Variants in RANBP2 observed in about 807,000 individuals in gnomAD.
RANBP2 encodes RAN binding protein 2, also known as E3 SUMO-protein ligase RanBP2.
A neutral mutation model predicts 303.6 loss-of-function variants in RANBP2; 57 were observed. The ratio of observed to expected loss-of-function variants is 0.19; its 90% CI spans 0.15 to 0.23. The LOEUF (loss-of-function observed/expected upper bound fraction) is 0.23. RANBP2 is among the 10% of genes least tolerant of loss of function. The pLI, the probability that RANBP2 is intolerant of heterozygous loss-of-function variation, is 1.00. For synonymous variants in RANBP2, 1,167 were observed against 1,301.5 expected, an observed-to-expected ratio of 0.90 and a Z score of 2.23; for missense variants, 3,138 against 3,780.8, an observed-to-expected ratio of 0.83 and a Z score of 4.46.
chr2:109,680,396 A>T, the RANBP2 span, among the ~76,000 whole-genome samples: 2,320 of 151,650 alleles, frequency 0.015, 54 homozygotes, highest in African/African-American at 0.049. Flanking sequence ...AAAAAAATTT[A>T]AAAAAAGATA....
At chr2:109,665,923 C>T in the RANBP2 span, among the ~76,000 whole-genome samples, 1 of 151,798 alleles carries the variant, frequency 6.6e-6, no homozygotes, top group Non-Finnish European at 1.5e-5. Context: ...ACCAGCCTGG[C>T]CAACATGGAG....
the RANBP2 span, among the ~76,000 whole-genome samples, chr2:109,166,991 T>C: frequency 6.6e-6 from 1 of 152,212 alleles, no homozygotes; most frequent in Admixed American, 6.5e-5. Context: ...TCCAGCAAGC[T>C]AAGTAGCTTG....
chr2:109,301,472 A>G, the RANBP2 span, among the ~76,000 whole-genome samples: 1 of 152,040 alleles, frequency 6.6e-6, no homozygotes, highest in East Asian at 1.9e-4. Context: ...GTTTGATGGC[A>G]GGTGTCTGAG....
At chr2:109,053,179 G>C in the RANBP2 span, among the ~76,000 whole-genome samples, 3 of 152,196 alleles carry the variant, frequency 2.0e-5, no homozygotes, top group African/African-American at 2.4e-5. Context: ...TCATCTGTCT[G>C]CACAAATCCC....
the RANBP2 span, among the ~76,000 whole-genome samples, chr2:109,433,492 G>T: frequency 6.6e-6 from 1 of 152,238 alleles, no homozygotes; most frequent in African/African-American, 2.4e-5. Flanking sequence ...ACTCACAGAA[G>T]CCCCTCGTGG....
At chr2:109,039,109 T>C in the RANBP2 span, among the ~76,000 whole-genome samples, 1 of 152,172 alleles carries the variant, frequency 6.6e-6, no homozygotes, top group Non-Finnish European at 1.5e-5. Context: ...ATCCAATCAA[T>C]GGAAGACTTT....
At chr2:108,932,200 T>C in the RANBP2 span, among the ~76,000 whole-genome samples, 1 of 151,974 alleles carries the variant, frequency 6.6e-6, no homozygotes, top group African/African-American at 2.4e-5. Context: ...CTAAAGGCAT[T>C]AGGTAGAAAT....
chr2:108,932,882 T>TA, the RANBP2 span, among the ~76,000 whole-genome samples: 1 of 152,216 alleles, frequency 6.6e-6, no homozygotes, highest in African/African-American at 2.4e-5. Context: ...ACTAATCAGT[T>TA]AACTGGCTGC....
chr2:108,749,788 C>G (rs1015045362), intron 9 of RANBP2, among the ~76,000 whole-genome samples: 10 of 152,076 alleles, frequency 6.6e-5, no homozygotes, highest in Non-Finnish European at 1.5e-4. Flanking sequence ...GAGACAGGGT[C>G]TCCCTTTGTT....
chr2:109,083,974 G>A, the RANBP2 span, among the ~76,000 whole-genome samples: 3 of 152,118 alleles, frequency 2.0e-5, no homozygotes, highest in African/African-American at 4.8e-5. Flanking sequence ...GGTCTCCAGC[G>A]AGATCATGAT....
the RANBP2 span, among the ~76,000 whole-genome samples, chr2:108,860,133 A>AT: frequency 9.1e-4 from 133 of 145,796 alleles, 1 homozygote; most frequent in African/African-American, 2.3e-3. Context: ...AATGCTTCTG[A>AT]TTTTTTTTTT....
At chr2:108,838,097 G>A in the RANBP2 span, among the ~76,000 whole-genome samples, 1 of 152,008 alleles carries the variant, frequency 6.6e-6, no homozygotes. Flanking sequence ...AGCTCTAGGG[G>A]TGGTCCCTAG....
At chr2:109,202,437 T>G in the RANBP2 span, among the ~76,000 whole-genome samples, 1 of 152,256 alleles carries the variant, frequency 6.6e-6, no homozygotes, top group African/African-American at 2.4e-5. Context: ...AATTACTAAA[T>G]GTAGTACAAT....
chr2:109,574,798 A>G, the RANBP2 span: 2 of 1,479,844 alleles, frequency 1.4e-6, no homozygotes, highest in African/African-American at 1.4e-5. Context: ...TTAATACAAC[A>G]TTATTTGTGC....
chr2:109,012,713 G>C, the RANBP2 span, among the ~76,000 whole-genome samples: 1 of 152,174 alleles, frequency 6.6e-6, no homozygotes, highest in Admixed American at 6.5e-5. Flanking sequence ...AGGAGATCGA[G>C]ACCATCCTGG....
chr2:108,881,542 C>T, the RANBP2 span, among the ~76,000 whole-genome samples: 1 of 152,322 alleles, frequency 6.6e-6, no homozygotes, highest in Non-Finnish European at 1.5e-5. Context: ...TAGTTTGGCA[C>T]AAGAGGCCTA....
chr2:108,977,864 A>G, the RANBP2 span, among the ~76,000 whole-genome samples: 2 of 152,206 alleles, frequency 1.3e-5, no homozygotes, highest in African/African-American at 2.4e-5. Context: ...TTAAGCCTTC[A>G]TCAACCACAA....
At chr2:109,559,142 T>TCC in the RANBP2 span, among the ~76,000 whole-genome samples, 1 of 152,154 alleles carries the variant, frequency 6.6e-6, no homozygotes, top group African/African-American at 2.4e-5. Context: ...CACCTTGGCC[T>TCC]CCCAAAGTAC....
chr2:108,798,816 T>TACACAC, the RANBP2 span, among the ~76,000 whole-genome samples: 50,071 of 131,138 alleles, frequency 0.38, 10,271 homozygotes, highest in East Asian at 0.56. Context: ...TCTCCACACC[T>TACACAC]ACACACACAC....
Sources: gnomAD v4.1 joint callset for allele counts (sites outside exome capture counted in the v4.1 genomes callset) on GRCh38, gnomAD v4.1.1 for gene constraint, MANE v1.5 for transcripts, NCBI Gene and HGNC (gene_info 2026-07-23, HGNC 2026-07-21) for gene names.